Variants in FGFR1 observed in about 807,000 individuals in gnomAD.
FGFR1 encodes FGFR1/PLAG1 fusion.
Under a neutral mutation model 93.7 loss-of-function variants are expected in FGFR1, and 18 were observed. The observed-to-expected ratio is 0.19, with a 90% confidence interval of 0.13 to 0.28. The LOEUF (loss-of-function observed/expected upper bound fraction) is 0.28. Ranked by LOEUF, FGFR1 falls within the 10% of genes least tolerant of loss-of-function variation. FGFR1 has a pLI of 1.00. For missense variants in FGFR1, 731 were observed against 1,080.4 expected, an observed-to-expected ratio of 0.68 and a Z score of 4.53; for synonymous variants, 448 against 429.3, an observed-to-expected ratio of 1.04 and a Z score of -0.54.
chr8:38,443,667 T>C (rs1020066368), intron 2 of FGFR1, among the ~76,000 whole-genome samples: 4 of 151,552 alleles, frequency 2.6e-5, no homozygotes, highest in African/African-American at 7.3e-5. Flanking sequence ...AGTGTGACCC[T>C]GTCTCAAAAA....
intron 2 of FGFR1, among the ~76,000 whole-genome samples, chr8:38,443,380 C>T (rs1828182844): frequency 6.6e-6 from 1 of 151,698 alleles, no homozygotes; most frequent in Admixed American, 6.6e-5. Flanking sequence ...AAAAATTGGC[C>T]GGGCACAGTG....
Position 38,428,088 on chromosome 8 carries a change from C to T in FGFR1, c.454G>A (p.Ala152Thr), listed in dbSNP as rs1033377277. Residue 152 changes from alanine (A) to threonine (T), a missense_variant, in exon 5 of 18, where the codon GCT (alanine) becomes ACT (threonine). Physicochemically the swap from Ala to Thr is moderately conservative, Grantham distance 58. Transcript: ENST00000447712. ...TTTTCTGGGGATGTCCAATATGGAG[C>T]TACGGCTGCCCGGGGAAAGCCAAGA... is the stretch of plus-strand genomic sequence containing the variant. ...DNTKPNRMPV[A>T]PYWTSPEKME... The T allele has an allele frequency of 6.2e-7, 1 of 1,614,188 alleles. No individual in the cohort carries two copies. The highest frequency in any genetic ancestry group is 8.5e-7 in the Non-Finnish European group (1 of 1,180,046).
chr8:38,447,204 C>T (rs1025169881), intron 2 of FGFR1, among the ~76,000 whole-genome samples: 1 of 151,034 alleles, frequency 6.6e-6, no homozygotes. Context: ...GGGGACTGAG[C>T]CAGCAATGTT....
Position 38,413,536 on chromosome 8 carries a change from G to A in FGFR1, c.*92C>T. ...CAGCCGGCTCCTGCCAGCAGGAAAG[G>A]GGACAGGGACGGACAGGTGGTGGGC... On this transcript the variant is annotated 3_prime_UTR_variant, in exon 18 of 18. Coordinates refer to ENST00000447712, the MANE Select transcript of FGFR1 (RefSeq NM_023110.3). The surrounding 1 kb of genome is among the most constrained non-coding windows in gnomAD (Gnocchi z 4.2). 1 of 1,409,476 alleles carries A rather than the reference G, an allele frequency of 7.1e-7. No homozygotes were observed. The highest frequency in any genetic ancestry group is 9.6e-7 in the Non-Finnish European group (1 of 1,043,670). 87.3% of individuals were successfully genotyped at this position (1,409,476 alleles called of 1,614,324 possible).
chr8:38,416,113 G>A, intron 12 of FGFR1, 53 bp from the exon 13 acceptor site: 2 of 1,529,074 alleles, frequency 1.3e-6, no homozygotes, highest in Non-Finnish European at 1.8e-6. Flanking sequence ...AGCAGGTTTG[G>A]CTTCACCTCA....
rs1038733957 is a variant in FGFR1, at chr8:38,413,508, A to G, written c.*120T>C. 2 of 1,153,926 alleles carry G rather than the reference A, an allele frequency of 1.7e-6. No individual in the cohort carries two copies. Among genetic ancestry groups the G allele is most frequent in the African/African-American group, 3.1e-5 (2 of 64,740 alleles). The allele number at this position is 1,153,926 out of a possible 1,614,324, so 71.5% of individuals were successfully genotyped here. ...CAGGCCACACAGGAAGGCCCCTGGT[A>G]GGCAGCCGGCTCCTGCCAGCAGGAA... is the stretch of plus-strand genomic sequence containing the variant. On this transcript the variant is annotated 3_prime_UTR_variant, in exon 18 of 18. Transcript: ENST00000447712. This position sits in a 1 kb window ranked among gnomAD's most constrained non-coding sequence, Gnocchi z 4.2.
At position 38,429,607 on chromosome 8, in the gene FGFR1, C is replaced by G; in HGVS notation, c.358+75G>C. 6.7e-7 allele frequency: 1 copy of G among 1,494,874 alleles called. No individual in the cohort carries two copies. The highest frequency in any genetic ancestry group is 9.1e-7 in the Non-Finnish European group (1 of 1,102,918). 92.6% of individuals were successfully genotyped at this position (1,494,874 alleles called of 1,614,324 possible). ...GATCACGGAGGGGGAGGAGGTTCAC[C>G]TTCCTCTGAAACTGGCAGAGAGGGC... On this transcript the variant is annotated intron_variant, in intron 3 of 17. Transcript: ENST00000447712. This position sits in a 1 kb window ranked among gnomAD's most constrained non-coding sequence, Gnocchi z 4.4.
intron 13 of FGFR1, 30 bp from the exon 14 acceptor site, chr8:38,414,931 CG>C: frequency 6.2e-7 from 1 of 1,600,540 alleles, no homozygotes. Context: ...GAGCGGGAGG[CG>C]GGGAGGTGAG....
rs2150530028 is a variant in FGFR1, at chr8:38,414,153, G to T, written c.2185C>A (p.Leu729Met). The T allele has an allele frequency of 6.2e-7, 1 of 1,614,198 alleles. No homozygotes were observed. Among genetic ancestry groups the T allele is most frequent in the Non-Finnish European group, 8.5e-7 (1 of 1,180,024 alleles). Residue 729 changes from leucine (L) to methionine (M), a missense_variant and splice_region_variant, in exon 16 of 18, where the codon CTG becomes ATG. Leu to Met is a conservative substitution (Grantham distance 15, BLOSUM62 2). Transcript: ENST00000447712. ...CCTCCGACATCTCCTCGGGCTTACA[G>T]CTCGTTGGTGCAGTTACTGGGCTTG... ...MDKPSNCTNE[L>M]YMMMRDCWHA...
intron 2 of FGFR1, among the ~76,000 whole-genome samples, chr8:38,456,251 C>G (rs1449543487): frequency 6.6e-6 from 1 of 152,198 alleles, no homozygotes; most frequent in Admixed American, 6.5e-5. Flanking sequence ...CCACACTATC[C>G]TCTGGCAGCA....
intron 9 of FGFR1, 84 bp downstream of exon 9, chr8:38,419,449 A>C: frequency 7.7e-7 from 1 of 1,293,668 alleles, no homozygotes. Context: ...CCAAAGCTAT[A>C]AATTAGGGAC....
At chr8:38,447,455 T>A (rs556308506) in intron 2 of FGFR1, among the ~76,000 whole-genome samples, 3 of 151,686 alleles carry the variant, frequency 2.0e-5, no homozygotes, top group Non-Finnish European at 4.4e-5. Flanking sequence ...TGGGAAAATG[T>A]CAAGCATGCA....
At chr8:38,454,973 C>CTTTT (rs11434747) in intron 2 of FGFR1, among the ~76,000 whole-genome samples, 18 of 111,164 alleles carry the variant, frequency 1.6e-4, no homozygotes, top group East Asian at 5.5e-4. Flanking sequence ...TCTTTTCTTG[C>CTTTT]TTTTTTTTTT....
intron 2 of FGFR1, among the ~76,000 whole-genome samples, chr8:38,452,353 T>C (rs1318303146): frequency 6.6e-6 from 1 of 152,008 alleles, no homozygotes; most frequent in Non-Finnish European, 1.5e-5. Flanking sequence ...TAGATTATAA[T>C]GTGTTTCTTC....
intron 2 of FGFR1, 141 bp from the exon 3 acceptor site, chr8:38,430,089 G>A: frequency 2.1e-5 from 17 of 824,606 alleles, no homozygotes; most frequent in African/African-American, 3.4e-5. Flanking sequence ...GGAGGCTACT[G>A]AGCCAGGGCA....
intron 9 of FGFR1, among the ~76,000 whole-genome samples, chr8:38,419,327 T>A (rs1319288745): frequency 6.6e-6 from 1 of 152,116 alleles, no homozygotes; most frequent in Non-Finnish European, 1.5e-5. Flanking sequence ...GGACTTGCAG[T>A]GTGATATGGA....
rs1011008214 is a variant in FGFR1, at chr8:38,428,659, C to T, written c.359-224G>A. On this transcript the variant is annotated intron_variant, in intron 3 of 17. Transcript: ENST00000447712. ...TGCCCCCACTGCCTGGAAGCCTTCACACTGGGTGGTTCCATCAGGGTCAGC... is the reference window on the plus strand; with the variant it reads ...TGCCCCCACTGCCTGGAAGCCTTCATACTGGGTGGTTCCATCAGGGTCAGC... 12 of 571,478 alleles carry T rather than the reference C, an allele frequency of 2.1e-5. No individual in the cohort carries two copies. In the Admixed American group the frequency reaches 2.3e-4, roughly 11 times the overall value. The allele number at this position is 571,478 out of a possible 1,614,324, so 35.4% of individuals were successfully genotyped here.
At chr8:38,467,475 C>T (rs1835806181) in intron 1 of FGFR1, among the ~76,000 whole-genome samples, 1 of 152,158 alleles carries the variant, frequency 6.6e-6, no homozygotes, top group Non-Finnish European at 1.5e-5. Flanking sequence ...GGATTTTTAG[C>T]GTTGAGCCCA....
At position 38,413,306 on chromosome 8, in the gene FGFR1, T is replaced by A. The variant is rs1814994486; in HGVS notation, c.*322A>T. On this transcript the variant is annotated 3_prime_UTR_variant, in exon 18 of 18. Transcript: ENST00000447712. The surrounding 1 kb of genome is among the most constrained non-coding windows in gnomAD (Gnocchi z 4.2). Reference sequence around the variant, plus strand: ...AAAGCTCAGGAAGCTCTCACTTGCATGCCTGTTCATTGGCTCCCACTCCCT... The same window carrying A: ...AAAGCTCAGGAAGCTCTCACTTGCAAGCCTGTTCATTGGCTCCCACTCCCT... 6.7e-6 allele frequency: 3 copies of A among 447,278 alleles called. No homozygotes were observed. The highest frequency in any genetic ancestry group is 1.2e-5 in the Non-Finnish European group (3 of 248,760). 27.7% of individuals were successfully genotyped at this position (447,278 alleles called of 1,614,324 possible). A position where few individuals can be genotyped will look rare whatever the true frequency, so the allele number is the denominator to read the frequency against.
Sources: gnomAD v4.1 joint callset for allele counts (sites outside exome capture counted in the v4.1 genomes callset) on GRCh38, gnomAD v4.1.1 for gene constraint, Gnocchi (gnomAD v3.1) non-coding constraint, MANE v1.5 for transcripts, NCBI Gene and HGNC (gene_info 2026-07-23, HGNC 2026-07-21) for gene names.